Variants in STN1 observed in about 807,000 individuals in gnomAD.
STN1 encodes STN1 subunit of CST complex.
STN1 carries 29 observed loss-of-function variants against 45.5 expected under a neutral mutation model. That is an observed-to-expected ratio of 0.64 (90% CI 0.47 to 0.87). The LOEUF is 0.87. Among genes scored for constraint, STN1 ranks in the 40% least tolerant of loss-of-function variants. The pLI is 0.00. For synonymous variants in STN1, 148 were observed against 159.0 expected, an observed-to-expected ratio of 0.93 and a Z score of 0.52; for missense variants, 376 against 441.4, an observed-to-expected ratio of 0.85 and a Z score of 1.33.
chr10:103,897,981 T>C (rs1843182519), intron 6 of STN1, among the ~76,000 whole-genome samples: 2 of 151,608 alleles, frequency 1.3e-5, no homozygotes, highest in East Asian at 1.9e-4. Flanking sequence ...TATTTTTATA[T>C]AAAAAAAATG....
chr10:103,890,286 C>T (rs1002177979), intron 8 of STN1, among the ~76,000 whole-genome samples: 7 of 152,036 alleles, frequency 4.6e-5, no homozygotes, highest in Non-Finnish European at 7.4e-5. Flanking sequence ...AAGGTTATGA[C>T]GAAGATTAAA....
chr10:103,896,211 T>A (rs58231591), intron 7 of STN1, among the ~76,000 whole-genome samples: 96 of 152,308 alleles, frequency 6.3e-4, no homozygotes, highest in African/African-American at 2.2e-3. Context: ...GAACCTGCTT[T>A]ATGCCAGCCC....
intron 9 of STN1, 139 bp downstream of exon 9, chr10:103,888,933 G>A (rs1381191994): frequency 1.4e-5 from 9 of 632,140 alleles, no homozygotes; most frequent in Non-Finnish European, 2.6e-5. Flanking sequence ...GCTCAGGGAG[G>A]GCAGGTACTT....
chr10:103,898,788 T>A lies in STN1; in HGVS notation c.581+89A>T, dbSNP rs114622455. On this transcript the variant is annotated intron_variant, in intron 6 of 9. Coordinates refer to ENST00000224950, the MANE Select transcript of STN1 (RefSeq NM_024928.5). Reference sequence around the variant, plus strand: ...AGTGCATAGGTGGATGATTCGGGATTTGAACCTAGGCCGATCCCAGCATCT... The same window carrying A: ...AGTGCATAGGTGGATGATTCGGGATATGAACCTAGGCCGATCCCAGCATCT... 1,193 of 1,510,018 alleles carry A rather than the reference T, an allele frequency of 7.9e-4. 11 individuals carry two copies. In the African/African-American group the frequency reaches 0.014, roughly 18 times the overall value. The allele number at this position is 1,510,018 out of a possible 1,614,324, so 93.5% of individuals were successfully genotyped here. A position where few individuals can be genotyped will look rare whatever the true frequency, so the allele number is the denominator to read the frequency against.
In STN1 at chr10:103,918,173, G is replaced by T. The variant is rs1410115503; in HGVS notation, c.-136C>A. The T allele has an allele frequency of 1.3e-5, 2 of 152,462 alleles. No individual in the cohort carries two copies. Among genetic ancestry groups the T allele is most frequent in the Admixed American group, 6.5e-5 (1 of 15,296 alleles). 9.4% of individuals were successfully genotyped at this position (152,462 alleles called of 1,614,324 possible). On this transcript the variant is annotated 5_prime_UTR_variant, in exon 1 of 10. Coordinates refer to ENST00000224950, the MANE Select transcript of STN1 (RefSeq NM_024928.5). ...CCTTCCGGCGCTCGGAGCCGCTGGC[G>T]GCGACGACCCCGCCCGGCGCAGGAG...
At chr10:103,884,208 A>T (rs1222566043) in intron 9 of STN1, among the ~76,000 whole-genome samples, 4 of 151,658 alleles carry the variant, frequency 2.6e-5, no homozygotes, top group African/African-American at 9.7e-5. Flanking sequence ...GGCCCAAATC[A>T]ACTCTCTGCT....
intron 5 of STN1, among the ~76,000 whole-genome samples, chr10:103,899,366 T>C (rs1843192072): frequency 6.6e-6 from 1 of 152,232 alleles, no homozygotes; most frequent in African/African-American, 2.4e-5. Context: ...TCTGATTAGC[T>C]GTTTTCATTT....
intron 2 of STN1, among the ~76,000 whole-genome samples, chr10:103,916,916 C>A (rs989500565): frequency 6.6e-6 from 1 of 152,074 alleles, no homozygotes; most frequent in South Asian, 2.1e-4. Flanking sequence ...CAAAGGTGAA[C>A]AAGACAGATG....
chr10:103,894,987 T>C (rs898445437), intron 7 of STN1, among the ~76,000 whole-genome samples: 14 of 152,220 alleles, frequency 9.2e-5, no homozygotes, highest in African/African-American at 3.4e-4. Flanking sequence ...AATGATTTTT[T>C]CTGTTAAGCT....
At chr10:103,915,248 C>T (rs111381702) in intron 2 of STN1, among the ~76,000 whole-genome samples, 33 of 152,304 alleles carry the variant, frequency 2.2e-4, no homozygotes, top group Middle Eastern at 3.4e-3. Flanking sequence ...GCACAATTAA[C>T]TGAATGATTG....
chr10:103,883,099 A>G (rs1843081450), intron 9 of STN1, among the ~76,000 whole-genome samples: 1 of 152,246 alleles, frequency 6.6e-6, no homozygotes, highest in Admixed American at 6.5e-5. Flanking sequence ...TCCCAATCAA[A>G]GATTTTTTTA....
At position 103,911,014 on chromosome 10, in the gene STN1, C is replaced by CTTT. The variant is rs10668099; in HGVS notation, c.134-395_134-393dup. On this transcript the variant is annotated intron_variant, in intron 2 of 9. Coordinates refer to ENST00000224950, the MANE Select transcript of STN1 (RefSeq NM_024928.5). ...GAAACCATGAGAAAGGCTTCTTTGG[C>CTTT]TTTTTTTTTTTTTCAAACAAGTGCT... is the stretch of plus-strand genomic sequence containing the variant. Among the ~76,000 whole-genome samples, 8 of 143,180 alleles carry CTTT rather than the reference C, an allele frequency of 5.6e-5. No homozygotes were observed. In the South Asian group the frequency reaches 8.8e-4, roughly 16 times the overall value. 93.9% of individuals were successfully genotyped at this position (143,180 alleles called of 152,430 possible). A position where few individuals can be genotyped will look rare whatever the true frequency, so the allele number is the denominator to read the frequency against.
chr10:103,905,641 C>T (rs1214037926), intron 3 of STN1, among the ~76,000 whole-genome samples: 1 of 152,162 alleles, frequency 6.6e-6, no homozygotes. Context: ...GTGCTGACTT[C>T]CCAAGACAAA....
At chr10:103,907,517 T>A (rs1843249681) in intron 3 of STN1, among the ~76,000 whole-genome samples, 1 of 152,180 alleles carries the variant, frequency 6.6e-6, no homozygotes, top group African/African-American at 2.4e-5. Context: ...CACTGAGAAA[T>A]AAATATGCAT....
In STN1 at chr10:103,879,077, T is replaced by C. The variant is rs912469383; in HGVS notation, c.*3607A>G. 8 of 152,246 alleles carry C rather than the reference T, an allele frequency of 5.3e-5. No individual in the cohort carries two copies. Among genetic ancestry groups the C allele is most frequent in the Admixed American group, 2.6e-4 (4 of 15,278 alleles). The allele number at this position is 152,246 out of a possible 1,614,324, so 9.4% of individuals were successfully genotyped here. On this transcript the variant is annotated 3_prime_UTR_variant, in exon 10 of 10. Coordinates refer to ENST00000224950, the MANE Select transcript of STN1 (RefSeq NM_024928.5). ...GGCTGCTCCCTGGGGGTGTGACTTC[T>C]GAGCACTTCCAGCCTGCACAGCCTA...
rs1293827451 is a variant in STN1, at chr10:103,909,380, GTA to G, written c.229+1145_229+1146del. ...AAAAAAAAAAAATATATATATATAT[GTA>G]TATATATGTATATATGTATATATAT... On this transcript the variant is annotated intron_variant, in intron 3 of 9. Coordinates refer to ENST00000224950, the MANE Select transcript of STN1 (RefSeq NM_024928.5). 1.8e-3 allele frequency among the ~76,000 whole-genome samples: 161 copies of G among 88,906 alleles called. 5 individuals are homozygous for G. Among genetic ancestry groups the G allele is most frequent in the African/African-American group, 5.8e-3 (140 of 24,190 alleles). 58.3% of individuals were successfully genotyped at this position (88,906 alleles called of 152,430 possible).
rs973130141 is a variant in STN1 at position 103,882,273 on chromosome 10, T to C, written c.*411A>G. ...TGATAACCTGAAGTTTTGAAAAGCT[T>C]AGAACTGTGTGATCAGGCCATATGC... On this transcript the variant is annotated 3_prime_UTR_variant, in exon 10 of 10. Coordinates refer to ENST00000224950, the MANE Select transcript of STN1 (RefSeq NM_024928.5). Among the ~76,000 whole-genome samples the C allele has an allele frequency of 1.3e-5, 2 of 152,236 alleles. No individual in the cohort carries two copies. The highest frequency in any genetic ancestry group is 2.9e-5 in the Non-Finnish European group (2 of 68,034).
intron 4 of STN1, among the ~76,000 whole-genome samples, chr10:103,902,266 C>T (rs1306128083): frequency 6.6e-6 from 1 of 152,168 alleles, no homozygotes; most frequent in East Asian, 1.9e-4. Flanking sequence ...TCCCCAACTG[C>T]TACTTTTTCA....
intron 7 of STN1, among the ~76,000 whole-genome samples, chr10:103,895,197 C>A (rs1428481545): frequency 1.3e-5 from 2 of 152,186 alleles, no homozygotes; most frequent in Admixed American, 6.5e-5. Context: ...GTGCCATATT[C>A]GATTCTTTTT....
Sources: gnomAD v4.1 joint callset for allele counts (sites outside exome capture counted in the v4.1 genomes callset) on GRCh38, gnomAD v4.1.1 for gene constraint, MANE v1.5 for transcripts, NCBI Gene and HGNC (gene_info 2026-07-23, HGNC 2026-07-21) for gene names.